RPS7: variants seen among roughly 807,000 people sequenced by gnomAD.
The protein encoded by RPS7 is ribosomal protein S7, also known as small ribosomal subunit protein eS7.
RPS7 carries 1 observed loss-of-function variant against 22.1 expected under a neutral mutation model. The observed-to-expected ratio is 0.05, with a 90% confidence interval of 0.02 to 0.21. The LOEUF is 0.21. Ranked by LOEUF, RPS7 falls within the 10% of genes least tolerant of loss-of-function variation. RPS7 has a pLI of 1.00. For synonymous variants in RPS7, 80 were observed against 92.0 expected (o/e 0.87, Z 0.74); for missense variants, 137 against 246.4 (o/e 0.56, Z 2.97).
chr2:3,576,245 G>T lies in RPS7; in HGVS notation c.148-242G>T, dbSNP rs573727534. The stretch of plus-strand genomic sequence containing the variant: ...TAGCCCGGAGTTGCCGCAAGTGGGG[G>T]TGCAGAAGTGGTAGTGATTGGCCTC... On this transcript the variant is annotated intron_variant, in intron 3 of 6. Transcript: ENST00000645674. 53 of 605,608 alleles carry T rather than the reference G, an allele frequency of 8.8e-5. No homozygotes were observed. The African/African-American group carries it at 9.2e-4, about 11-fold the overall frequency. The allele number at this position is 605,608 out of a possible 1,614,324, so 37.5% of individuals were successfully genotyped here.
intron 3 of RPS7, 68 bp from the exon 4 acceptor site, chr2:3,576,419 C>A: frequency 7.1e-7 from 1 of 1,407,954 alleles, no homozygotes; most frequent in Non-Finnish European, 1.0e-6. Context: ...TCTTCTTATC[C>A]TCTAATTTGA....
chr2:3,577,425 A>G, intron 4 of RPS7: 1 of 431,498 alleles, frequency 2.3e-6, no homozygotes, highest in African/African-American at 2.0e-5. Context: ...GATCTGGAAT[A>G]AAAGTAGTAT....
rs565581519 is a variant in RPS7 at position 3,577,883 on chromosome 2, T to G, written c.356+109T>G. On this transcript the variant is annotated intron_variant, in intron 5 of 6. Transcript: ENST00000645674. ...AGATGTTCAAGTGGGAATTTTTGAGTAGCAGCATTTGGTTTCCTGTATAGT... is the reference window on the plus strand; with the variant it reads ...AGATGTTCAAGTGGGAATTTTTGAGGAGCAGCATTTGGTTTCCTGTATAGT... 27 of 771,114 alleles carry G rather than the reference T, an allele frequency of 3.5e-5. No homozygotes were observed. The East Asian group carries it at 6.5e-4, about 19-fold the overall frequency. 47.8% of individuals were successfully genotyped at this position (771,114 alleles called of 1,614,324 possible). A position where few individuals can be genotyped will look rare whatever the true frequency, so the allele number is the denominator to read the frequency against.
chr2:3,578,896 A>C (rs1470918667), intron 5 of RPS7: 1 of 152,206 alleles, frequency 6.6e-6, no homozygotes, highest in African/African-American at 2.4e-5. Context: ...AGTGGGACCT[A>C]GTCTGTACAT....
intron 1 of RPS7, 96 bp from the exon 2 acceptor site, chr2:3,575,496 C>T (rs1011980234): frequency 3.9e-6 from 3 of 768,822 alleles, no homozygotes; most frequent in African/African-American, 3.5e-5. Flanking sequence ...ATGGCTTCTG[C>T]GGGGCGAGCG....
At chr2:3,577,809 C>G (rs1028801485) in intron 5 of RPS7, 35 bp downstream of exon 5, 1 of 1,334,602 alleles carries the variant, frequency 7.5e-7, no homozygotes, top group African/African-American at 1.4e-5. Flanking sequence ...ATGTGTGTAC[C>G]CCTCTTATTA....
chr2:3,575,752 G>C, intron 2 of RPS7, 65 bp from the exon 3 acceptor site: 3 of 1,594,530 alleles, frequency 1.9e-6, no homozygotes, highest in South Asian at 1.1e-5. Context: ...GCGGCCGCGC[G>C]TGTGTTGGGC....
chr2:3,575,933 T>TC (rs1196934738), intron 3 of RPS7, 45 bp downstream of exon 3: 9 of 1,424,676 alleles, frequency 6.3e-6, no homozygotes, highest in Non-Finnish European at 8.8e-6. Flanking sequence ...GCGGCGCGTC[T>TC]CCCCGCGCAG....
In RPS7 at chr2:3,579,905, A is replaced by G. The variant is rs1023416947; in HGVS notation, c.357-205A>G. The G allele has an allele frequency of 9.8e-6, 6 of 609,648 alleles. No homozygotes were observed. The African/African-American group carries it at 1.1e-4, about 11-fold the overall frequency. 37.8% of individuals were successfully genotyped at this position (609,648 alleles called of 1,614,324 possible). ...TTAAAATTGACTGAGCTTTTGAAATAAATCAGTAAGCTATTACCCTATTCT... is the reference window on the plus strand; with the variant it reads ...TTAAAATTGACTGAGCTTTTGAAATGAATCAGTAAGCTATTACCCTATTCT... On this transcript the variant is annotated intron_variant, in intron 5 of 6. Transcript: ENST00000645674.
chr2:3,579,269 G>A (rs893723337), intron 5 of RPS7: 2 of 152,236 alleles, frequency 1.3e-5, no homozygotes, highest in Non-Finnish European at 1.5e-5. Context: ...AGGTGATGAG[G>A]GTTTTGGGAA....
intron 4 of RPS7, 175 bp downstream of exon 4, chr2:3,576,805 G>T (rs13408903): frequency 3.7e-6 from 3 of 813,148 alleles, no homozygotes; most frequent in Non-Finnish European, 6.5e-6. Context: ...CCAGCACGGG[G>T]AGGTGGAGGC....
At position 3,575,364 on chromosome 2, in the gene RPS7, C is replaced by T. The variant is rs1280030053; in HGVS notation, c.-19+14C>T. ...GCGCTCGGCAAGGTAGGTTGGCGGC[C>T]TGCTCTCCGACAGAACTTTTCTTCT... On this transcript the variant is annotated intron_variant, in intron 1 of 6. Coordinates refer to ENST00000645674, the MANE Select transcript of RPS7 (RefSeq NM_001011.4). The T allele has an allele frequency of 2.0e-5, 11 of 550,836 alleles. No homozygotes were observed. Among genetic ancestry groups the T allele is most frequent in the Middle Eastern group, 9.7e-4 (2 of 2,058 alleles). 34.1% of individuals were successfully genotyped at this position (550,836 alleles called of 1,614,324 possible). A position where few individuals can be genotyped will look rare whatever the true frequency, so the allele number is the denominator to read the frequency against.
intron 5 of RPS7, chr2:3,579,675 T>A: frequency 3.9e-6 from 1 of 257,848 alleles, no homozygotes; most frequent in Non-Finnish European, 7.6e-6. Flanking sequence ...AATGATGTGA[T>A]CATATCCGTG....
At chr2:3,578,048 G>A in intron 5 of RPS7, 1 of 442,092 alleles carries the variant, frequency 2.3e-6, no homozygotes, top group Non-Finnish European at 4.1e-6. Flanking sequence ...ATGATGAGAA[G>A]GAAATCATTA....
At chr2:3,577,208 C>T (rs1323106367) in intron 4 of RPS7, 9 of 175,596 alleles carry the variant, frequency 5.1e-5, no homozygotes, top group South Asian at 1.2e-4. Context: ...TGGTGGTGGG[C>T]GCCTGTAGTC....
At chr2:3,580,490 T>C in intron 6 of RPS7, 1 of 648,792 alleles carries the variant, frequency 1.5e-6, no homozygotes, top group Non-Finnish European at 2.8e-6. Context: ...AGACTCTTTC[T>C]GTGGTCTTTT....
intron 5 of RPS7, chr2:3,579,570 C>T (rs1034899061): frequency 5.8e-6 from 1 of 172,248 alleles, no homozygotes; most frequent in African/African-American, 2.4e-5. Flanking sequence ...ATTGAAACTT[C>T]TCATTTGTTA....
intron 5 of RPS7, chr2:3,578,285 C>T (rs564970272): frequency 1.3e-5 from 2 of 155,916 alleles, no homozygotes; most frequent in Non-Finnish European, 2.8e-5. Flanking sequence ...TAGTTGTCTT[C>T]TTGAACTAGA....
chr2:3,575,781 CG>C, intron 2 of RPS7, 35 bp from the exon 3 acceptor site: 2 of 1,603,706 alleles, frequency 1.2e-6, no homozygotes, highest in Non-Finnish European at 1.7e-6. Context: ...CTCGGACGCG[CG>C]CTCAGGGTCG....
Sources: gnomAD v4.1 joint callset for allele counts on GRCh38, gnomAD v4.1.1 for gene constraint, MANE v1.5 for transcripts, NCBI Gene and HGNC (gene_info 2026-07-23, HGNC 2026-07-21) for gene names.